CPED1: variants seen among roughly 807,000 people sequenced by gnomAD.
The protein encoded by CPED1 is cadherin like and PC-esterase domain containing 1, also known as cadherin-like and PC-esterase domain-containing protein 1.
Under a neutral mutation model 128.2 loss-of-function variants are expected in CPED1, and 114 were observed. The ratio of observed to expected loss-of-function variants is 0.89; its 90% CI spans 0.76 to 1.04. The LOEUF (loss-of-function observed/expected upper bound fraction) is 1.04. CPED1 is among the 50% of genes least tolerant of loss of function. The pLI is 0.00. For synonymous variants in CPED1, 462 were observed against 426.7 expected, an observed-to-expected ratio of 1.08 and a Z score of -1.02; for missense variants, 1,211 against 1,207.1, an observed-to-expected ratio of 1.00 and a Z score of -0.05.
intron 2 of CPED1, among the ~76,000 whole-genome samples, chr7:121,011,757 A>G (rs992459568): frequency 7.9e-5 from 12 of 152,218 alleles, no homozygotes; most frequent in Admixed American, 2.0e-4. Flanking sequence ...TTTATGCATT[A>G]AAACATAATC....
chr7:121,081,500 C>T (rs1048665682), intron 5 of CPED1, among the ~76,000 whole-genome samples: 8 of 152,122 alleles, frequency 5.3e-5, no homozygotes, highest in Admixed American at 2.6e-4. Flanking sequence ...TTTCTTTCCA[C>T]TTCTCCTAGC....
intron 3 of CPED1, 66 bp downstream of exon 3, chr7:121,015,914 T>A: frequency 8.7e-7 from 1 of 1,145,812 alleles, no homozygotes; most frequent in Non-Finnish European, 1.1e-6. Context: ...TTCTAGAATG[T>A]GCTACTATCT....
chr7:121,130,109 T>C lies in CPED1; in HGVS notation c.1408-16T>C, dbSNP rs747234756. The C allele has an allele frequency of 1.3e-6, 2 of 1,598,820 alleles. No individual in the cohort carries two copies. The highest frequency in any genetic ancestry group is 1.1e-5 in the South Asian group (1 of 90,668). On this transcript the variant is annotated splice_polypyrimidine_tract_variant and intron_variant, in intron 11 of 22. Coordinates refer to ENST00000310396, the MANE Select transcript of CPED1 (RefSeq NM_024913.5). ...ATTTGTTTTCCATAACTTATACTGA[T>C]ATTTTGTGTTCTCAGCTCTTCCCAT...
rs961331801 is a variant in CPED1 at position 121,130,406 on chromosome 7, C to A, written c.1577+112C>A. ...AAGCAGCAACAACAAAAAAGTGTGT[C>A]CAAATTTCCATGCTCAGGAAAATAA... On this transcript the variant is annotated intron_variant, in intron 12 of 22. Coordinates refer to ENST00000310396, the MANE Select transcript of CPED1 (RefSeq NM_024913.5). The A allele has an allele frequency of 8.0e-6, 6 of 750,404 alleles. No individual in the cohort carries two copies. In the Admixed American group the frequency reaches 1.3e-4, roughly 16 times the overall value. 46.5% of individuals were successfully genotyped at this position (750,404 alleles called of 1,614,324 possible). A position where few individuals can be genotyped will look rare whatever the true frequency, so the allele number is the denominator to read the frequency against.
chr7:121,176,391 T>C (rs1796780236), intron 16 of CPED1, among the ~76,000 whole-genome samples: 1 of 151,960 alleles, frequency 6.6e-6, no homozygotes, highest in Admixed American at 6.6e-5. Flanking sequence ...TCTTTTTTTT[T>C]TAAACATGTT....
chr7:121,005,845 CTT>C (rs1791996971), intron 2 of CPED1, among the ~76,000 whole-genome samples: 1 of 152,154 alleles, frequency 6.6e-6, no homozygotes, highest in Non-Finnish European at 1.5e-5. Flanking sequence ...AACTGAGTCA[CTT>C]TGGATTCTTA....
chr7:121,129,537 A>G (rs542405118), intron 11 of CPED1, among the ~76,000 whole-genome samples: 4 of 151,698 alleles, frequency 2.6e-5, no homozygotes, highest in Middle Eastern at 3.4e-3. Context: ...CATTCACAAC[A>G]GTTTGACTAA....
chr7:121,123,846 G>A (rs1795442729), intron 7 of CPED1, among the ~76,000 whole-genome samples: 1 of 152,106 alleles, frequency 6.6e-6, no homozygotes, highest in African/African-American at 2.4e-5. Context: ...GTTCTAATAT[G>A]CCCCCAAAAT....
chr7:121,134,189 C>T (rs1259955607), intron 13 of CPED1, among the ~76,000 whole-genome samples: 2 of 151,988 alleles, frequency 1.3e-5, no homozygotes, highest in Non-Finnish European at 2.9e-5. Context: ...ACTAAGTGTT[C>T]ATCAGTGAAT....
At position 121,140,130 on chromosome 7, in the gene CPED1, ATAAT is replaced by A. The variant is rs570943151; in HGVS notation, c.1700-695_1700-692del. Among the ~76,000 whole-genome samples, 315 of 152,186 alleles carry A rather than the reference ATAAT, an allele frequency of 2.1e-3. 1 individual carries two copies. The highest frequency in any genetic ancestry group is 6.8e-3 in the Middle Eastern group (2 of 294). On this transcript the variant is annotated intron_variant, in intron 14 of 22. Transcript: ENST00000310396. ...CTTTCTCACTGAAATAAAGCTGTAAATAATTGGGCTAACAAAGAGAAAGGTTTTT... is the reference window on the plus strand; with the variant it reads ...CTTTCTCACTGAAATAAAGCTGTAAATGGGCTAACAAAGAGAAAGGTTTTT...
In CPED1 at chr7:121,078,968, C is replaced by T. The variant is rs1014574809; in HGVS notation, c.616+14655C>T. ...GGCCTCTCTTTGACTTGCAGATGAC[C>T]GCCTTCTTGGGATGTTCTCACATGT... On this transcript the variant is annotated intron_variant, in intron 5 of 22. Transcript: ENST00000310396. Among the ~76,000 whole-genome samples, 5 of 152,288 alleles carry T rather than the reference C, an allele frequency of 3.3e-5. No individual in the cohort carries two copies. The East Asian group carries it at 5.8e-4, about 18-fold the overall frequency.
Position 121,140,978 on chromosome 7 carries a change from G to T in CPED1, c.1851G>T (p.Leu617=), listed in dbSNP as rs757693549. ...TTGGAGTGGAAACTCCTAAGTGTCT[G>T]TGCAAGGTGCACCTGTACGAGCAGG... ...VTIGVETPKC[L]CKVHLYEQAG... The change falls in exon 15 of 23, where the codon CTG becomes CTT. Residue 617 remains leucine, a synonymous_variant. Transcript: ENST00000310396. 3.0e-5 allele frequency: 48 copies of T among 1,612,022 alleles called. No homozygotes were observed. The highest frequency in any genetic ancestry group is 3.9e-5 in the Non-Finnish European group (46 of 1,179,032).
intron 2 of CPED1, among the ~76,000 whole-genome samples, chr7:121,013,766 T>G (rs922822838): frequency 1.1e-4 from 17 of 152,210 alleles, no homozygotes; most frequent in Non-Finnish European, 2.4e-4. Flanking sequence ...CAATAGTTTG[T>G]GTGCAATAAA....
At chr7:121,047,709 CTTCTTCTT>C (rs1793247075) in intron 4 of CPED1, among the ~76,000 whole-genome samples, 1 of 86,820 alleles carries the variant, frequency 1.2e-5, no homozygotes, top group Non-Finnish European at 2.3e-5. Context: ...TCTTCTTCTT[CTTCTTCTT>C]TTTTTTTTTT....
intron 18 of CPED1, among the ~76,000 whole-genome samples, chr7:121,246,221 C>T (rs551360952): frequency 5.9e-5 from 9 of 152,306 alleles, no homozygotes; most frequent in South Asian, 4.1e-4. Flanking sequence ...CTAAATCCTA[C>T]GGTTTTGGAC....
chr7:121,028,877 A>T (rs1170180074), intron 3 of CPED1, among the ~76,000 whole-genome samples: 1 of 152,166 alleles, frequency 6.6e-6, no homozygotes. Flanking sequence ...AACAAAGATA[A>T]TTAATGTTGG....
intron 18 of CPED1, among the ~76,000 whole-genome samples, chr7:121,245,386 A>T (rs755671897): frequency 6.6e-6 from 1 of 152,112 alleles, no homozygotes; most frequent in Non-Finnish European, 1.5e-5. Context: ...TTAATTGAGC[A>T]TTGATTTTGT....
intron 16 of CPED1, among the ~76,000 whole-genome samples, chr7:121,183,650 G>A (rs751391624): frequency 6.6e-5 from 10 of 152,144 alleles, no homozygotes; most frequent in Admixed American, 5.9e-4. Flanking sequence ...TACCTCAGAT[G>A]TTAGTGGGGA....
intron 7 of CPED1, among the ~76,000 whole-genome samples, chr7:121,104,931 A>G (rs2116241386): frequency 6.6e-6 from 1 of 152,258 alleles, no homozygotes; most frequent in African/African-American, 2.4e-5. Flanking sequence ...TGCAATAGAC[A>G]GATGTCATAA....
Sources: allele counts gnomAD v4.1 joint callset (sites outside exome capture counted in the v4.1 genomes callset), GRCh38; gene constraint gnomAD v4.1.1; transcripts MANE v1.5; gene names NCBI Gene and HGNC (gene_info 2026-07-23, HGNC 2026-07-21).